Variants in FOXP1 observed in about 807,000 individuals in gnomAD.
FOXP1 encodes the protein forkhead box P1.
FOXP1 carries 15 observed loss-of-function variants against 98.2 expected under a neutral mutation model. That is an observed-to-expected ratio of 0.15 (90% CI 0.10 to 0.24). The LOEUF is 0.24. FOXP1 is among the 10% of genes least tolerant of loss of function. The probability of loss-of-function intolerance (pLI) is 1.00; values close to 1 mark genes in which losing one functional copy is unlikely to be tolerated. For synonymous variants in FOXP1, 371 were observed against 314.5 expected (o/e 1.18, Z -1.90); for missense variants, 633 against 848.5 (o/e 0.75, Z 3.15).
intron 2 of FOXP1, among the ~76,000 whole-genome samples, chr3:71,576,780 A>G: frequency 6.6e-6 from 1 of 152,190 alleles, no homozygotes; most frequent in East Asian, 1.9e-4. Context: ...CTTTTGAAAT[A>G]AAACAGCTTG....
In FOXP1 at chr3:70,956,721, T is replaced by A; in HGVS notation, c.*2526A>T. On this transcript the variant is annotated 3_prime_UTR_variant, in exon 21 of 21. Transcript: ENST00000649528. ...GGCTACTGCCTGCACATCATGAAGCTGCCTGGAAAAGTTTTTTTTTTTTTT... is the reference window on the plus strand; with the variant it reads ...GGCTACTGCCTGCACATCATGAAGCAGCCTGGAAAAGTTTTTTTTTTTTTT... The A allele has an allele frequency of 6.6e-6, 1 of 152,028 alleles. No homozygotes were observed. Among genetic ancestry groups the A allele is most frequent in the Non-Finnish European group, 1.3e-5 (1 of 75,236 alleles). The allele number at this position is 152,028 out of a possible 1,614,324, so 9.4% of individuals were successfully genotyped here. A position where few individuals can be genotyped will look rare whatever the true frequency, so the allele number is the denominator to read the frequency against.
chr3:71,555,746 C>A (rs75401608), intron 2 of FOXP1, among the ~76,000 whole-genome samples: 1 of 152,080 alleles, frequency 6.6e-6, no homozygotes, highest in African/African-American at 2.4e-5. Context: ...ATAAGCCCTA[C>A]ATTAAAATTT....
chr3:71,130,922 C>A (rs1049039100), intron 6 of FOXP1: 1 of 1,325,698 alleles, frequency 7.5e-7, no homozygotes, highest in African/African-American at 1.5e-5. Context: ...ACGCAGTGCG[C>A]CCTGGCTAGA....
intron 4 of FOXP1, among the ~76,000 whole-genome samples, chr3:71,352,487 A>AC (rs909580509): frequency 2.0e-5 from 3 of 150,872 alleles, no homozygotes; most frequent in Middle Eastern, 3.2e-3. Context: ...AAAAAAAAAA[A>AC]AAAAAACACA....
intron 7 of FOXP1, among the ~76,000 whole-genome samples, chr3:71,065,372 G>A (rs1223812233): frequency 6.6e-6 from 1 of 152,178 alleles, no homozygotes; most frequent in Non-Finnish European, 1.5e-5. Flanking sequence ...CGGCGCTCGC[G>A]GCGCCAAGCC....
chr3:71,265,153 T>C (rs1436367501), intron 5 of FOXP1, among the ~76,000 whole-genome samples: 1 of 152,150 alleles, frequency 6.6e-6, no homozygotes. Context: ...AAACAACACA[T>C]TCTACCTTCT....
At chr3:71,308,441 T>C (rs145403629) in intron 4 of FOXP1, among the ~76,000 whole-genome samples, 2 of 152,200 alleles carry the variant, frequency 1.3e-5, no homozygotes, top group African/African-American at 2.4e-5. Flanking sequence ...TGTTGTAAGA[T>C]AGACCTACTA....
rs1458488780 is a variant in FOXP1 at position 70,956,575 on chromosome 3, T to A, written c.*2672A>T. 1 of 230,124 alleles carries A rather than the reference T, an allele frequency of 4.3e-6. No homozygotes were observed. Among genetic ancestry groups the A allele is most frequent in the African/African-American group, 2.2e-5 (1 of 45,040 alleles). 14.3% of individuals were successfully genotyped at this position (230,124 alleles called of 1,614,324 possible). ...TTTCTCATGCTGTTATCTTTACTCA[T>A]GTCTAGCTACACATGCTGAGAATGA... On this transcript the variant is annotated 3_prime_UTR_variant, in exon 21 of 21. Transcript: ENST00000649528.
chr3:71,012,463 T>A (rs1448842983), intron 12 of FOXP1, among the ~76,000 whole-genome samples: 3 of 152,202 alleles, frequency 2.0e-5, no homozygotes, highest in Non-Finnish European at 2.9e-5. Flanking sequence ...TGATCGTGAT[T>A]GTTCACATCT....
chr3:71,532,205 T>C (rs1283589420), intron 2 of FOXP1, among the ~76,000 whole-genome samples: 1 of 152,106 alleles, frequency 6.6e-6, no homozygotes, highest in East Asian at 1.9e-4. Context: ...GCTCAAGCAA[T>C]CCTCCCGCCT....
intron 6 of FOXP1, among the ~76,000 whole-genome samples, chr3:71,194,969 G>A (rs2063213624): frequency 6.6e-6 from 1 of 152,076 alleles, no homozygotes; most frequent in Non-Finnish European, 1.5e-5. Flanking sequence ...CTACCTTCCA[G>A]CCCAGAATCG....
At chr3:71,544,349 A>G (rs933921828) in intron 2 of FOXP1, among the ~76,000 whole-genome samples, 8 of 151,644 alleles carry the variant, frequency 5.3e-5, no homozygotes, top group Admixed American at 4.6e-4. Context: ...ACTTTTTAAA[A>G]AGATGTATCA....
At position 71,028,528 on chromosome 3, in the gene FOXP1, G is replaced by T. The variant is rs146296851; in HGVS notation, c.869+12800C>A. Among the ~76,000 whole-genome samples the T allele has an allele frequency of 8.5e-5, 13 of 152,318 alleles. No homozygotes were observed. The South Asian group carries it at 2.7e-3, about 32-fold the overall frequency. ...GTAGCAGAAACTTAAGTTTTCTCAT[G>T]GTTTGGAGCAGCTACAGGTATCGAC... On this transcript the variant is annotated intron_variant, in intron 11 of 20. Transcript: ENST00000649528.
rs183372204 is a variant in FOXP1, at chr3:71,220,718, G to A, written c.-11-22326C>T. On this transcript the variant is annotated intron_variant, in intron 5 of 20. Transcript: ENST00000649528. Reference sequence around the variant, plus strand: ...CAGTGAGCCGAGATCGCACCACTGCGATCCAACCTGGGTGACTGAGTGAGA... The same window carrying A: ...CAGTGAGCCGAGATCGCACCACTGCAATCCAACCTGGGTGACTGAGTGAGA... Among the ~76,000 whole-genome samples, 13 of 151,420 alleles carry A rather than the reference G, an allele frequency of 8.6e-5. No homozygotes were observed. In the East Asian group the frequency reaches 2.0e-3, roughly 23 times the overall value.
intron 2 of FOXP1, among the ~76,000 whole-genome samples, chr3:71,569,509 T>C (rs987039273): frequency 2.0e-5 from 3 of 152,102 alleles, no homozygotes; most frequent in Non-Finnish European, 2.9e-5. Context: ...AAGAATCATA[T>C]AGAAGACAGT....
At chr3:71,227,773 T>C (rs2065956560) in intron 5 of FOXP1, among the ~76,000 whole-genome samples, 1 of 151,510 alleles carries the variant, frequency 6.6e-6, no homozygotes, top group Non-Finnish European at 1.5e-5. Context: ...AAAGTGACAA[T>C]TTTCAATCTT....
intron 5 of FOXP1, among the ~76,000 whole-genome samples, chr3:71,274,945 A>C (rs2070745082): frequency 6.6e-6 from 1 of 152,208 alleles, no homozygotes; most frequent in Non-Finnish European, 1.5e-5. Context: ...GTTTAAATGC[A>C]TATTATACTC....
chr3:71,044,644 A>G (rs944057895), intron 10 of FOXP1, among the ~76,000 whole-genome samples: 5 of 152,236 alleles, frequency 3.3e-5, no homozygotes, highest in African/African-American at 1.2e-4. Context: ...TGATTTCATT[A>G]TGAAGTGGGC....
At chr3:71,577,179 T>C (rs2047787773) in intron 2 of FOXP1, among the ~76,000 whole-genome samples, 1 of 152,208 alleles carries the variant, frequency 6.6e-6, no homozygotes, top group African/African-American at 2.4e-5. Context: ...AAGAATAATT[T>C]ATTAAAGAAA....
Sources: gnomAD v4.1 joint callset for allele counts (sites outside exome capture counted in the v4.1 genomes callset) on GRCh38, gnomAD v4.1.1 for gene constraint, MANE v1.5 for transcripts, NCBI Gene and HGNC (gene_info 2026-07-23, HGNC 2026-07-21) for gene names.